The following ELMO1 variants were observed in gnomAD, a reference collection of about 807,000 sequenced individuals.
ELMO1 encodes engulfment and cell motility protein 1.
ELMO1 carries 26 observed loss-of-function variants against 98.9 expected under a neutral mutation model. That is an observed-to-expected ratio of 0.26 (90% CI 0.19 to 0.36). The LOEUF (loss-of-function observed/expected upper bound fraction) is 0.36, where lower values mean the gene tolerates loss of function less well. Ranked by LOEUF, ELMO1 falls within the 10% of genes least tolerant of loss-of-function variation. The probability of loss-of-function intolerance (pLI) is 1.00; values close to 1 mark genes in which losing one functional copy is unlikely to be tolerated. For missense variants in ELMO1, 627 were observed against 935.2 expected (o/e 0.67, Z 4.30); for synonymous variants, 346 against 346.0 (o/e 1.00, Z 0.00).
chr7:37,331,535 C>A (rs1187424856), intron 2 of ELMO1, among the ~76,000 whole-genome samples: 1 of 151,724 alleles, frequency 6.6e-6, no homozygotes, highest in Non-Finnish European at 1.5e-5. Context: ...TCACATACAC[C>A]TGTTCACAAT....
rs1052675118 is a variant in ELMO1, at chr7:36,864,281, G to T, written c.1906-2545C>A. The stretch of plus-strand genomic sequence containing the variant: ...TTCTGCAGGGGGATGGAGAAGGAAG[G>T]AAAAGGAGCAGGCAAACTTTCAGCT... On this transcript the variant is annotated intron_variant, in intron 20 of 21. Transcript: ENST00000310758. Among the ~76,000 whole-genome samples the T allele has an allele frequency of 1.2e-3, 188 of 152,180 alleles. 2 individuals carry two copies. The highest frequency in any genetic ancestry group is 0.012 in the Admixed American group (186 of 15,278).
chr7:37,308,680 T>G (rs1798738535), intron 4 of ELMO1, among the ~76,000 whole-genome samples: 1 of 152,220 alleles, frequency 6.6e-6, no homozygotes, highest in South Asian at 2.1e-4. Context: ...GGGGAGTCAC[T>G]TCTAGTCTCC....
chr7:37,169,222 G>T (rs887492480), intron 13 of ELMO1, among the ~76,000 whole-genome samples: 1 of 152,154 alleles, frequency 6.6e-6, no homozygotes, highest in Non-Finnish European at 1.5e-5. Context: ...GGAATGACCC[G>T]ATTTTCCAGG....
intron 16 of ELMO1, among the ~76,000 whole-genome samples, chr7:36,970,192 C>T (rs1157999862): frequency 0.016 from 2,156 of 138,290 alleles, 56 homozygotes; most frequent in African/African-American, 0.054. Context: ...CACACACACA[C>T]ACACACACAC....
At chr7:37,442,353 T>G (rs1177518572) in intron 1 of ELMO1, among the ~76,000 whole-genome samples, 1 of 152,158 alleles carries the variant, frequency 6.6e-6, no homozygotes, top group Non-Finnish European at 1.5e-5. Context: ...AGTCTCTGGT[T>G]TTCTTAGTTG....
intron 15 of ELMO1, among the ~76,000 whole-genome samples, chr7:37,066,554 A>G (rs573488394): frequency 9.8e-5 from 15 of 152,304 alleles, no homozygotes; most frequent in Admixed American, 9.2e-4. Context: ...AAGAGCCTCA[A>G]AGAGTTCTAG....
intron 16 of ELMO1, among the ~76,000 whole-genome samples, chr7:36,975,948 G>A (rs534684470): frequency 1.4e-4 from 22 of 151,830 alleles, no homozygotes; most frequent in African/African-American, 5.1e-4. Flanking sequence ...AAAAATACAC[G>A]AATAATCTCT....
chr7:37,159,225 A>C (rs1789022411), intron 13 of ELMO1, among the ~76,000 whole-genome samples: 1 of 152,232 alleles, frequency 6.6e-6, no homozygotes. Context: ...TGGGTGCAGC[A>C]AACAAACATG....
intron 5 of ELMO1, among the ~76,000 whole-genome samples, chr7:37,259,791 T>C (rs1179483203): frequency 3.9e-5 from 6 of 152,230 alleles, no homozygotes; most frequent in African/African-American, 1.4e-4. Flanking sequence ...CAGTCAATAC[T>C]CTGAGTAATA....
At chr7:37,344,685 C>T (rs1290721129) in intron 1 of ELMO1, among the ~76,000 whole-genome samples, 4 of 152,220 alleles carry the variant, frequency 2.6e-5, no homozygotes, top group African/African-American at 9.6e-5. Context: ...TGTCTATTTA[C>T]ACCCAGCCTC....
At chr7:36,868,348 C>CTTCTTTT (rs754978396) in intron 20 of ELMO1, among the ~76,000 whole-genome samples, 1 of 140,630 alleles carries the variant, frequency 7.1e-6, no homozygotes, top group Non-Finnish European at 1.5e-5. Flanking sequence ...TCTTCTTCTT[C>CTTCTTTT]TTTTTTTTTT....
At position 37,047,903 on chromosome 7, in the gene ELMO1, G is replaced by A. The variant is rs187450683; in HGVS notation, c.1301-34468C>T. 7.3e-5 allele frequency among the ~76,000 whole-genome samples: 11 copies of A among 150,970 alleles called. No individual in the cohort carries two copies. In the South Asian group the frequency reaches 8.4e-4, roughly 11 times the overall value. ...GTGACAGTTTTTTTTTTGAAAAAAC[G>A]TATTTTAAAATTAAAAAAACCCTGC... On this transcript the variant is annotated intron_variant, in intron 15 of 21. Coordinates refer to ENST00000310758, the MANE Select transcript of ELMO1 (RefSeq NM_014800.11).
intron 1 of ELMO1, among the ~76,000 whole-genome samples, chr7:37,417,595 C>T (rs1405553507): frequency 6.6e-6 from 1 of 151,772 alleles, no homozygotes; most frequent in Non-Finnish European, 1.5e-5. Flanking sequence ...ACCCAGGAGG[C>T]GGAGCTTGCA....
At chr7:36,954,265 A>C (rs552964428) in intron 16 of ELMO1, among the ~76,000 whole-genome samples, 1 of 152,284 alleles carries the variant, frequency 6.6e-6, no homozygotes, top group South Asian at 2.1e-4. Flanking sequence ...TTGGAAAGTA[A>C]GGGAATTAAT....
chr7:37,224,375 C>T (rs75725391), intron 9 of ELMO1, among the ~76,000 whole-genome samples: 1,702 of 152,278 alleles, frequency 0.011, 32 homozygotes, highest in African/African-American at 0.036. Flanking sequence ...AAAAATCCTA[C>T]ATTTTATTAT....
At chr7:37,033,443 G>T (rs954920685) in intron 15 of ELMO1, 1 of 455,212 alleles carries the variant, frequency 2.2e-6, no homozygotes, top group Non-Finnish European at 4.4e-6. Context: ...TATCATAAAT[G>T]TTGAGCGAAA....
chr7:37,066,985 T>C (rs1428165265), intron 15 of ELMO1, among the ~76,000 whole-genome samples: 1 of 152,178 alleles, frequency 6.6e-6, no homozygotes, highest in Non-Finnish European at 1.5e-5. Context: ...TAGACAGCAA[T>C]ACCCATCAAA....
intron 5 of ELMO1, among the ~76,000 whole-genome samples, chr7:37,263,327 G>A (rs1459675868): frequency 2.0e-5 from 3 of 151,776 alleles, no homozygotes; most frequent in Non-Finnish European, 2.9e-5. Flanking sequence ...GGAAAGGAAT[G>A]TTCCTTCAAA....
chr7:37,014,026 C>A (rs571096819), intron 15 of ELMO1, among the ~76,000 whole-genome samples: 4 of 152,134 alleles, frequency 2.6e-5, no homozygotes, highest in Non-Finnish European at 4.4e-5. Context: ...GAAGTCAAAG[C>A]AACCTGAATA....
Sources: allele counts gnomAD v4.1 joint callset (sites outside exome capture counted in the v4.1 genomes callset), GRCh38; gene constraint gnomAD v4.1.1; transcripts MANE v1.5; gene names NCBI Gene and HGNC (gene_info 2026-07-23, HGNC 2026-07-21).